MKLN1: variants seen among roughly 807,000 people sequenced by gnomAD.
The protein encoded by MKLN1 is muskelin.
Under a neutral mutation model 99.0 loss-of-function variants are expected in MKLN1, and 18 were observed. The ratio of observed to expected loss-of-function variants is 0.18; its 90% CI spans 0.13 to 0.27. The LOEUF is 0.27. Ranked by LOEUF, MKLN1 falls within the 10% of genes least tolerant of loss-of-function variation. The probability of loss-of-function intolerance (pLI) is 1.00; values close to 1 mark genes in which losing one functional copy is unlikely to be tolerated. For missense variants in MKLN1, 621 were observed against 875.9 expected (o/e 0.71, Z 3.67); for synonymous variants, 288 against 293.2 (o/e 0.98, Z 0.18).
At chr7:131,459,275 G>C (rs891270516) in intron 12 of MKLN1, among the ~76,000 whole-genome samples, 1 of 152,176 alleles carries the variant, frequency 6.6e-6, no homozygotes, top group Non-Finnish European at 1.5e-5. Flanking sequence ...TATCAGACAA[G>C]GGTAGATCAC....
chr7:131,429,196 T>C, intron 9 of MKLN1, 51 bp downstream of exon 9: 1 of 1,222,812 alleles, frequency 8.2e-7, no homozygotes, highest in South Asian at 1.4e-5. Context: ...GGCGTAGATG[T>C]GCACTTGTTT....
chr7:131,329,073 A>G (rs1184493019), intron 1 of MKLN1, among the ~76,000 whole-genome samples: 1 of 152,220 alleles, frequency 6.6e-6, no homozygotes, highest in Non-Finnish European at 1.5e-5. Flanking sequence ...AATGAATAAT[A>G]TATTTTACTG....
At chr7:131,179,817 G>A (rs1030565618) in intron 2 of MKLN1, among the ~76,000 whole-genome samples, 4 of 152,018 alleles carry the variant, frequency 2.6e-5, no homozygotes, top group African/African-American at 9.7e-5. Flanking sequence ...CTTGTGATCC[G>A]CCTGCCTCGG....
At chr7:131,251,670 C>CT (rs71311093) in intron 3 of MKLN1, among the ~76,000 whole-genome samples, 18,374 of 143,724 alleles carry the variant, frequency 0.13, 1,456 homozygotes, top group South Asian at 0.39. Context: ...GCAACATTTT[C>CT]TTTTTTTTTT....
intron 17 of MKLN1, among the ~76,000 whole-genome samples, chr7:131,481,184 G>A (rs1388581339): frequency 2.6e-5 from 4 of 152,178 alleles, no homozygotes; most frequent in Non-Finnish European, 1.5e-5. Flanking sequence ...TAGGAGGTTG[G>A]AATGTGAGAT....
At chr7:131,194,595 C>T (rs149652280) in intron 2 of MKLN1, among the ~76,000 whole-genome samples, 1 of 152,148 alleles carries the variant, frequency 6.6e-6, no homozygotes, top group Non-Finnish European at 1.5e-5. Context: ...TTTGGCCAGA[C>T]CCAGTTACTC....
chr7:131,420,857 GT>G (rs1795170557), intron 8 of MKLN1, among the ~76,000 whole-genome samples: 1 of 152,134 alleles, frequency 6.6e-6, no homozygotes, highest in South Asian at 2.1e-4. Context: ...TTGGATCAAA[GT>G]TTTAAAATTC....
intron 8 of MKLN1, among the ~76,000 whole-genome samples, chr7:131,415,670 C>T (rs1003159818): frequency 6.6e-6 from 1 of 151,940 alleles, no homozygotes; most frequent in African/African-American, 2.4e-5. Context: ...TTCCAAATGC[C>T]TTTCTGCCCT....
chr7:131,118,021 A>G (rs761902619), intron 1 of MKLN1, among the ~76,000 whole-genome samples: 32 of 152,270 alleles, frequency 2.1e-4, no homozygotes, highest in Non-Finnish European at 3.2e-4. Context: ...GTAATCCCCA[A>G]TGTTGGAGGT....
chr7:131,328,363 A>G (rs1213235754), intron 1 of MKLN1: 4 of 267,638 alleles, frequency 1.5e-5, no homozygotes, highest in African/African-American at 8.9e-5. Flanking sequence ...CCCGCGGGCA[A>G]ACTACCCCGA....
intron 2 of MKLN1, among the ~76,000 whole-genome samples, chr7:131,376,267 G>A (rs1378782862): frequency 6.7e-6 from 1 of 148,586 alleles, no homozygotes; most frequent in Non-Finnish European, 1.5e-5. Flanking sequence ...GCTCAGGCCT[G>A]TTGTCTGGTG....
intron 3 of MKLN1, among the ~76,000 whole-genome samples, chr7:131,230,710 T>C (rs919997953): frequency 2.0e-5 from 3 of 152,180 alleles, no homozygotes; most frequent in Admixed American, 1.3e-4. Context: ...TCAATTTCAA[T>C]TGCCCTGTGC....
At chr7:131,386,927 G>A (rs566856679) in intron 2 of MKLN1, among the ~76,000 whole-genome samples, 193 bp from the exon 3 acceptor site, 22 of 152,228 alleles carry the variant, frequency 1.4e-4, no homozygotes, top group African/African-American at 4.1e-4. Flanking sequence ...ATCTACTGGC[G>A]TGAAAAGTGG....
chr7:131,382,541 G>A (rs1793884526), intron 2 of MKLN1, among the ~76,000 whole-genome samples: 1 of 151,986 alleles, frequency 6.6e-6, no homozygotes, highest in African/African-American at 2.4e-5. Flanking sequence ...GTTCAGTTTT[G>A]AGAGTTCTGT....
chr7:131,156,314 T>A (rs1795962869), intron 2 of MKLN1, among the ~76,000 whole-genome samples: 1 of 151,724 alleles, frequency 6.6e-6, no homozygotes, highest in Non-Finnish European at 1.5e-5. Context: ...GATCACGAGG[T>A]CAGGAGATCG....
chr7:131,174,790 C>T (rs752903404), intron 2 of MKLN1, among the ~76,000 whole-genome samples: 1 of 152,108 alleles, frequency 6.6e-6, no homozygotes, highest in Non-Finnish European at 1.5e-5. Context: ...TTTACTGCTA[C>T]CTGCCAAGTT....
intron 1 of MKLN1, among the ~76,000 whole-genome samples, chr7:131,375,032 T>TG (rs1793597692): frequency 6.6e-6 from 1 of 151,956 alleles, no homozygotes. Flanking sequence ...ACTGTGGCCT[T>TG]GAACTCTGGG....
At chr7:131,296,047 T>C (rs997749046) in intron 3 of MKLN1, among the ~76,000 whole-genome samples, 1 of 152,202 alleles carries the variant, frequency 6.6e-6, no homozygotes, top group African/African-American at 2.4e-5. Context: ...AAACTTACAC[T>C]GTCGATGAAT....
chr7:131,341,838 T>C (rs1444129019), intron 1 of MKLN1, among the ~76,000 whole-genome samples: 1 of 152,236 alleles, frequency 6.6e-6, no homozygotes. Context: ...CTAATGCCTA[T>C]GCTGATCTGA....
Sources: gnomAD v4.1 joint callset for allele counts (sites outside exome capture counted in the v4.1 genomes callset) on GRCh38, gnomAD v4.1.1 for gene constraint, MANE v1.5 for transcripts, NCBI Gene and HGNC (gene_info 2026-07-23, HGNC 2026-07-21) for gene names.